Variants in CHAT observed in about 807,000 individuals in gnomAD.
The protein encoded by CHAT is acetyl CoA:choline O-acetyltransferase.
CHAT carries 61 observed loss-of-function variants against 76.9 expected under a neutral mutation model. That is an observed-to-expected ratio of 0.79 (90% CI 0.65 to 0.98). The LOEUF is 0.98. Ranked by LOEUF, CHAT falls within the 50% of genes least tolerant of loss-of-function variation. The pLI, the probability that CHAT is intolerant of heterozygous loss-of-function variation, is 0.00. For missense variants in CHAT, 946 were observed against 986.9 expected (o/e 0.96, Z 0.56); for synonymous variants, 407 against 397.4 (o/e 1.02, Z -0.29).
At chr10:49,609,209 C>G (rs1240616345), upstream of CHAT, 4 of 152,238 alleles carry the variant, frequency 2.6e-5, no homozygotes, top group Non-Finnish European at 2.9e-5. Flanking sequence ...GGTGAGTCTC[C>G]CTGGAGCCCC....
chr10:49,621,213 G>T (rs1283331265), intron 4 of CHAT, among the ~76,000 whole-genome samples: 1 of 152,178 alleles, frequency 6.6e-6, no homozygotes, highest in Non-Finnish European at 1.5e-5. Flanking sequence ...GGCAAATGGT[G>T]GGGACGGTTT....
In CHAT at chr10:49,662,896, G is replaced by T. The variant is rs138548648; in HGVS notation, c.1977+114G>T. On this transcript the variant is annotated intron_variant, in intron 14 of 14. Coordinates refer to ENST00000337653, the MANE Select transcript of CHAT (RefSeq NM_020549.5). ...GGCAAATCCTGCCTCTGCTTTTTCT[G>T]AACTATGTGATCTTCAGCAAAATGA... 115 of 1,303,310 alleles carry T rather than the reference G, an allele frequency of 8.8e-5. 1 individual carries two copies. In the African/African-American group the frequency reaches 1.4e-3, roughly 16 times the overall value. 80.7% of individuals were successfully genotyped at this position (1,303,310 alleles called of 1,614,324 possible).
intron 7 of CHAT, among the ~76,000 whole-genome samples, chr10:49,632,188 G>A (rs1025629318): frequency 6.6e-6 from 1 of 152,138 alleles, no homozygotes; most frequent in Non-Finnish European, 1.5e-5. Flanking sequence ...GGCAAAGCTG[G>A]GCAGACACCT....
chr10:49,629,425 T>G (rs1839037965), intron 7 of CHAT, among the ~76,000 whole-genome samples: 1 of 152,280 alleles, frequency 6.6e-6, no homozygotes, highest in South Asian at 2.1e-4. Context: ...AACCTCGTGC[T>G]GGAGAATTAA....
Position 49,665,314 on chromosome 10 carries a change from G to A in CHAT, c.*268G>A, listed in dbSNP as rs1298260063. Among the ~76,000 whole-genome samples the A allele has an allele frequency of 6.6e-6, 1 of 152,126 alleles. No individual in the cohort carries two copies. The highest frequency in any genetic ancestry group is 6.5e-5 in the Admixed American group (1 of 15,278). On this transcript the variant is annotated 3_prime_UTR_variant, in exon 15 of 15. Coordinates refer to ENST00000337653, the MANE Select transcript of CHAT (RefSeq NM_020549.5). ...GGCTCAGAGGCAGCCTGGATGCACT[G>A]GGGAACCACACTAAGGACTCCTTCT...
Position 49,616,546 on chromosome 10 carries a change from A to G in CHAT, c.331A>G (p.Ile111Val), listed in dbSNP as rs1286501027. 6.2e-7 allele frequency: 1 copy of G among 1,613,148 alleles called. No individual in the cohort carries two copies. Among genetic ancestry groups the G allele is most frequent in the African/African-American group, 1.3e-5 (1 of 74,858 alleles). Residue 111 changes from isoleucine to valine, a missense_variant, in exon 2 of 15, where the codon ATC becomes GTC. Around this residue, in one of 3 missense-constraint regions of CHAT, gnomAD observed 548 missense variants for 516.2 expected, o/e 1.06. Transcript: ENST00000337653. The part of the protein sequence containing the change: ...IPAPGLTKTP[I>V]LEKVPRKMAA... ...TGCACCAGGACTCACCAAGACGCCC[A>G]TCCTGGAAAAGGTCCCCCGTAAGAT... is the stretch of plus-strand genomic sequence containing the variant.
At chr10:49,621,965 A>T in intron 4 of CHAT, 132 bp from the exon 5 acceptor site, 4 of 885,192 alleles carry the variant, frequency 4.5e-6, no homozygotes, top group South Asian at 2.8e-5. Flanking sequence ...GGGAGGGAGG[A>T]GGGAGGGAGA....
intron 10 of CHAT, among the ~76,000 whole-genome samples, chr10:49,651,205 C>G (rs750153662): frequency 2.0e-5 from 3 of 151,804 alleles, no homozygotes; most frequent in Non-Finnish European, 2.9e-5. Flanking sequence ...GTCTAAGGAG[C>G]GAGTACTCAT....
chr10:49,630,617 A>T (rs1839084962), intron 7 of CHAT, among the ~76,000 whole-genome samples: 1 of 152,186 alleles, frequency 6.6e-6, no homozygotes, highest in Admixed American at 6.5e-5. Context: ...GGAGTTGCTA[A>T]AAGAGGATGA....
intron 7 of CHAT, among the ~76,000 whole-genome samples, chr10:49,634,783 T>A (rs567767823): frequency 1.3e-5 from 2 of 152,304 alleles, no homozygotes; most frequent in East Asian, 3.9e-4. Context: ...TCTGGAAGCC[T>A]GACAGCTCTT....
chr10:49,661,826 T>A (rs1204878399), intron 13 of CHAT, among the ~76,000 whole-genome samples: 1 of 152,138 alleles, frequency 6.6e-6, no homozygotes, highest in East Asian at 1.9e-4. Context: ...GTAGAATGAG[T>A]ACCCGGCCCC....
chr10:49,615,518 G>A (rs1424583386), intron 1 of CHAT, among the ~76,000 whole-genome samples: 1 of 152,216 alleles, frequency 6.6e-6, no homozygotes, highest in Non-Finnish European at 1.5e-5. Flanking sequence ...CCCATACATG[G>A]GCGGTGCTTG....
At chr10:49,663,849 T>C (rs1374752498) in intron 14 of CHAT, among the ~76,000 whole-genome samples, 1 of 152,202 alleles carries the variant, frequency 6.6e-6, no homozygotes, top group East Asian at 1.9e-4. Flanking sequence ...AAATCATCCA[T>C]GGGCAAAAAG....
At position 49,616,525 on chromosome 10, in the gene CHAT, C is replaced by G; in HGVS notation, c.310C>G (p.Pro104Ala). The G allele has an allele frequency of 6.2e-7, 1 of 1,612,966 alleles. No individual in the cohort carries two copies. The highest frequency in any genetic ancestry group is 8.5e-7 in the Non-Finnish European group (1 of 1,179,442). ...AGGTCCACACCTCTGCATCCCTGCA[C>G]CAGGACTCACCAAGACGCCCATCCT... is the stretch of plus-strand genomic sequence containing the variant. The part of the protein sequence containing the change: ...RAGPHLCIPA[P>A]GLTKTPILEK... Residue 104 changes from proline to alanine, a missense_variant, in exon 2 of 15, where the codon CCA (proline) becomes GCA (alanine). Around this residue, in one of 3 missense-constraint regions of CHAT, gnomAD observed 548 missense variants for 516.2 expected, o/e 1.06. Transcript: ENST00000337653.
intron 10 of CHAT, among the ~76,000 whole-genome samples, chr10:49,650,844 G>A (rs1031496202): frequency 1.3e-5 from 2 of 152,196 alleles, no homozygotes; most frequent in Non-Finnish European, 1.5e-5. Context: ...GGCCTCAGGT[G>A]TTCTATAAAG....
intron 13 of CHAT, among the ~76,000 whole-genome samples, chr10:49,659,820 C>T (rs1360591552): frequency 6.6e-6 from 1 of 152,040 alleles, no homozygotes; most frequent in Non-Finnish European, 1.5e-5. Flanking sequence ...CGAGATCACG[C>T]CACTTCACTC....
chr10:49,613,644 T>C (rs999348452), upstream of CHAT, among the ~76,000 whole-genome samples: 6 of 152,068 alleles, frequency 3.9e-5, no homozygotes, highest in African/African-American at 1.4e-4. Flanking sequence ...CCTTTGTCGG[T>C]CTGTCTGTGC....
chr10:49,665,851 C>T lies in CHAT; in HGVS notation c.*805C>T, dbSNP rs1006056861. Among the ~76,000 whole-genome samples the T allele has an allele frequency of 3.3e-5, 5 of 152,102 alleles. No individual in the cohort carries two copies. The highest frequency in any genetic ancestry group is 2.1e-4 in the South Asian group (1 of 4,816). On this transcript the variant is annotated 3_prime_UTR_variant, in exon 15 of 15. Coordinates refer to ENST00000337653, the MANE Select transcript of CHAT (RefSeq NM_020549.5). ...GCCCCAAGCAGATGGTGCCTGGTGC[C>T]GGTGGGTTTGCAGAGGACCTGGCCC...
rs375439849 is a variant in CHAT, at chr10:49,627,690, T to C, written c.1016T>C (p.Met339Thr). The change falls in exon 7 of 15, where the codon ATG (methionine) becomes ACG (threonine). Residue 339 changes from methionine to threonine, a missense_variant. Physicochemically the swap from Met to Thr is moderately conservative, Grantham distance 81. Around this residue, in one of 3 missense-constraint regions of CHAT, gnomAD observed 548 missense variants for 516.2 expected, o/e 1.06. Transcript: ENST00000337653. The part of the protein sequence containing the change: ...LFTQLRKIVK[M>T]ASNEDERLPP... Reference sequence around the variant, plus strand: ...ACTCAGTTGAGAAAGATAGTCAAAATGGCTTCCAACGAGGACGAGCGTTTG... The same window carrying C: ...ACTCAGTTGAGAAAGATAGTCAAAACGGCTTCCAACGAGGACGAGCGTTTG... 7 of 1,614,162 alleles carry C rather than the reference T, an allele frequency of 4.3e-6. No individual in the cohort carries two copies. Among genetic ancestry groups the C allele is most frequent in the South Asian group, 1.1e-5 (1 of 91,084 alleles).
Sources: allele counts gnomAD v4.1 joint callset (sites outside exome capture counted in the v4.1 genomes callset), GRCh38; gene constraint gnomAD v4.1.1; regional missense constraint gnomAD v4.1.1; transcripts MANE v1.5; gene names NCBI Gene and HGNC (gene_info 2026-07-23, HGNC 2026-07-21).